PIP5K1B: variants seen among roughly 807,000 people sequenced by gnomAD.
The protein encoded by PIP5K1B is phosphatidylinositol-4-phosphate 5-kinase type 1 beta, also known as phosphatidylinositol 4-phosphate 5-kinase type-1 beta.
PIP5K1B carries 42 observed loss-of-function variants against 67.0 expected under a neutral mutation model. That is an observed-to-expected ratio of 0.63 (90% confidence interval 0.49 to 0.81). The LOEUF (loss-of-function observed/expected upper bound fraction) is 0.81, where lower values mean the gene tolerates loss of function less well. Among genes scored for constraint, PIP5K1B ranks in the 30% least tolerant of loss-of-function variants. The pLI, the probability that PIP5K1B is intolerant of heterozygous loss-of-function variation, is 0.00. For synonymous variants in PIP5K1B, 214 were observed against 231.4 expected (o/e 0.92, Z 0.68); for missense variants, 459 against 646.3 (o/e 0.71, Z 3.14).
chr9:68,752,858 T>C (rs1829705011), intron 2 of PIP5K1B, among the ~76,000 whole-genome samples: 1 of 152,226 alleles, frequency 6.6e-6, no homozygotes, highest in Non-Finnish European at 1.5e-5. Flanking sequence ...TGCCTTTCAG[T>C]TTTGTGAAAC....
At chr9:68,951,359 T>G (rs1334450797) in intron 14 of PIP5K1B, among the ~76,000 whole-genome samples, 3 of 152,244 alleles carry the variant, frequency 2.0e-5, no homozygotes, top group Admixed American at 2.0e-4. Flanking sequence ...TCATTGCTTC[T>G]CATCACACTG....
intron 1 of PIP5K1B, among the ~76,000 whole-genome samples, chr9:68,731,212 G>T (rs1297204807): frequency 1.3e-5 from 2 of 152,214 alleles, no homozygotes; most frequent in Non-Finnish European, 2.9e-5. Context: ...TTTAACATCA[G>T]TTTGTGAATA....
At chr9:68,743,361 G>A (rs1829112510) in intron 2 of PIP5K1B, among the ~76,000 whole-genome samples, 1 of 151,966 alleles carries the variant, frequency 6.6e-6, no homozygotes, top group African/African-American at 2.4e-5. Flanking sequence ...ATGCCACCAT[G>A]CCTGGCTAAT....
intron 8 of PIP5K1B, among the ~76,000 whole-genome samples, chr9:68,895,841 T>C (rs1334878795): frequency 5.3e-5 from 8 of 152,176 alleles, no homozygotes; most frequent in Admixed American, 5.2e-4. Context: ...TTGGAGTCAG[T>C]ACTATTCATA....
At chr9:68,912,205 C>T (rs1393114203) in intron 8 of PIP5K1B, among the ~76,000 whole-genome samples, 2 of 152,116 alleles carry the variant, frequency 1.3e-5, no homozygotes, top group African/African-American at 4.8e-5. Flanking sequence ...ATGTGTAATT[C>T]GGGCTTGTTT....
Position 68,940,699 on chromosome 9 carries a change from G to A in PIP5K1B, c.1411G>A (p.Glu471Lys), listed in dbSNP as rs778293200. Residue 471 changes from glutamate to lysine, a missense_variant, in exon 14 of 16, where the codon GAA becomes AAA. By Grantham distance (56) the Glu-to-Lys change is moderately conservative. Transcript: ENST00000265382. ...GGTCCCTAGCACTCCATCACTGTTT[G>A]AAGCTGCTTCCTTGGCAACCACAAT... ...DLVPSTPSLF[E>K]AASLATTISS... The A allele has an allele frequency of 2.5e-6, 4 of 1,613,948 alleles. No individual in the cohort carries two copies. The Admixed American group carries it at 6.7e-5, about 27-fold the overall frequency.
chr9:68,902,849 T>C (rs1825430937), intron 8 of PIP5K1B, among the ~76,000 whole-genome samples: 1 of 152,182 alleles, frequency 6.6e-6, no homozygotes, highest in Non-Finnish European at 1.5e-5. Context: ...ATTACTTGAG[T>C]ATATGCCCCA....
intron 14 of PIP5K1B, among the ~76,000 whole-genome samples, chr9:68,975,851 T>C (rs1829611471): frequency 2.0e-5 from 3 of 152,228 alleles, no homozygotes; most frequent in Non-Finnish European, 2.9e-5. Context: ...TGTGTCTCTA[T>C]GTCCAAACTT....
intron 2 of PIP5K1B, among the ~76,000 whole-genome samples, chr9:68,813,164 A>T (rs992287550): frequency 1.3e-5 from 2 of 152,248 alleles, no homozygotes; most frequent in Non-Finnish European, 2.9e-5. Context: ...AGTTACTCAG[A>T]CTGGGCCATC....
intron 14 of PIP5K1B, among the ~76,000 whole-genome samples, chr9:68,947,335 C>G (rs747338285): frequency 2.0e-5 from 3 of 152,154 alleles, no homozygotes; most frequent in Non-Finnish European, 4.4e-5. Context: ...TGGGATAGTG[C>G]AAGAACATAG....
intron 12 of PIP5K1B, among the ~76,000 whole-genome samples, chr9:68,934,482 A>G (rs1206466505): frequency 1.3e-5 from 2 of 152,208 alleles, no homozygotes; most frequent in Non-Finnish European, 2.9e-5. Context: ...CAGGGTCGTG[A>G]GAATTCTCTA....
At chr9:68,716,251 C>T (rs1827628173) in intron 1 of PIP5K1B, among the ~76,000 whole-genome samples, 1 of 152,186 alleles carries the variant, frequency 6.6e-6, no homozygotes, top group Non-Finnish European at 1.5e-5. Context: ...ACTTGCTCTG[C>T]ACATCTATGG....
At chr9:68,895,124 G>A (rs1174991275) in intron 8 of PIP5K1B, among the ~76,000 whole-genome samples, 3 of 152,066 alleles carry the variant, frequency 2.0e-5, no homozygotes, top group Non-Finnish European at 4.4e-5. Flanking sequence ...TGAGCAGCAC[G>A]TTTGCTGAAA....
At chr9:68,923,047 G>GT (rs918261248) in intron 11 of PIP5K1B, among the ~76,000 whole-genome samples, 133 of 151,948 alleles carry the variant, frequency 8.8e-4, no homozygotes, top group African/African-American at 2.8e-3. Context: ...ATGTAGCACA[G>GT]TTTTTTTTGC....
At chr9:68,792,759 G>A (rs967839581) in intron 2 of PIP5K1B, among the ~76,000 whole-genome samples, 2 of 152,280 alleles carry the variant, frequency 1.3e-5, no homozygotes, top group Admixed American at 6.5e-5. Flanking sequence ...GATTACAGGC[G>A]TGAGCCACTG....
At chr9:68,706,115 CT>C in intron 1 of PIP5K1B, 1 of 152,708 alleles carries the variant, frequency 6.5e-6, no homozygotes, top group Non-Finnish European at 1.5e-5. Flanking sequence ...TCCCACCACC[CT>C]CCCCCGGTAC....
chr9:68,757,837 G>A (rs1457499892), intron 2 of PIP5K1B, among the ~76,000 whole-genome samples: 1 of 152,090 alleles, frequency 6.6e-6, no homozygotes, highest in Non-Finnish European at 1.5e-5. Context: ...AGTAAACACA[G>A]TTTACTCTGA....
chr9:68,968,709 A>ATT (rs1237963463), intron 14 of PIP5K1B, among the ~76,000 whole-genome samples: 1 of 138,542 alleles, frequency 7.2e-6, no homozygotes, highest in Non-Finnish European at 1.6e-5. Context: ...ATATATATAT[A>ATT]TATATATTTT....
intron 2 of PIP5K1B, among the ~76,000 whole-genome samples, chr9:68,765,852 C>T (rs1830402486): frequency 6.6e-6 from 1 of 152,146 alleles, no homozygotes; most frequent in Non-Finnish European, 1.5e-5. Context: ...TTGATGTAGA[C>T]TTTCTCAAGG....
Sources: gnomAD v4.1 joint callset for allele counts (sites outside exome capture counted in the v4.1 genomes callset) on GRCh38, gnomAD v4.1.1 for gene constraint, MANE v1.5 for transcripts, NCBI Gene and HGNC (gene_info 2026-07-23, HGNC 2026-07-21) for gene names.